C16orf90: variants seen among roughly 807,000 people sequenced by gnomAD.
C16orf90 encodes the protein chromosome 16 open reading frame 90.
C16orf90 carries 17 observed loss-of-function variants against 17.1 expected under a neutral mutation model. The observed-to-expected ratio is 1.00, with a 90% CI of 0.68 to 1.49. The LOEUF is 1.49. C16orf90 is among the 40% of genes most tolerant of loss of function. The pLI is 0.00. For missense variants in C16orf90, 255 were observed against 235.5 expected (o/e 1.08, Z -0.54); for synonymous variants, 108 against 95.8 (o/e 1.13, Z -0.75).
rs2037259750 is a variant in C16orf90 at position 3,493,649 on chromosome 16, GCCCCTCCCTCGGAACCTCCTCCTCCTC to G, written c.*163_*189del. 2.0e-6 allele frequency: 1 copy of G among 510,958 alleles called. No individual in the cohort carries two copies. Among genetic ancestry groups the G allele is most frequent in the Non-Finnish European group, 3.5e-6 (1 of 283,746 alleles). 31.7% of individuals were successfully genotyped at this position (510,958 alleles called of 1,614,324 possible). On this transcript the variant is annotated 3_prime_UTR_variant, in exon 3 of 3. Coordinates refer to ENST00000437192, the MANE Select transcript of C16orf90 (RefSeq NM_001080524.2). ...GCACGGCCATGCTTCTATTGCTTCT[GCCCCTCCCTCGGAACCTCCTCCTCCTC>G]CCTCTCCCCATCACATTCTCCCGAG...
chr16:3,495,292 C>A, intron 1 of C16orf90, 84 bp downstream of exon 1: 3 of 1,484,812 alleles, frequency 2.0e-6, no homozygotes, highest in Non-Finnish European at 2.8e-6. Context: ...GCATACATGT[C>A]CCTGAGGCCA....
chr16:3,495,526 T>C (rs2037297516), upstream of C16orf90: 1 of 1,535,442 alleles, frequency 6.5e-7, no homozygotes, highest in Non-Finnish European at 8.8e-7. Flanking sequence ...GGCAACTGGT[T>C]CTTATGACAT....
intron 2 of C16orf90, 99 bp from the exon 3 acceptor site, chr16:3,494,086 T>A: frequency 9.5e-7 from 1 of 1,054,762 alleles, no homozygotes; most frequent in Non-Finnish European, 1.4e-6. Context: ...TCCGATATTC[T>A]TGAAAACAGA....
In C16orf90 at chr16:3,493,918, T is replaced by C. The variant is rs1181015565; in HGVS notation, c.470A>G (p.Lys157Arg). The change falls in exon 3 of 3, where the codon AAG becomes AGG. Residue 157 changes from lysine (K) to arginine (R), a missense_variant. By Grantham distance (26) the Lys-to-Arg change is conservative (BLOSUM62 2). Coordinates refer to ENST00000437192, the MANE Select transcript of C16orf90 (RefSeq NM_001080524.2). ...PQPSPSRLRP[K>R]RSWGTWEEAM... The stretch of plus-strand genomic sequence containing the variant: ...CTCTTCCCAGGTCCCCCAGGACCTC[T>C]TGGGCCTGAGCCTAGAAGGACTAGG... The C allele has an allele frequency of 3.1e-6, 5 of 1,609,544 alleles. No individual in the cohort carries two copies. The highest frequency in any genetic ancestry group is 3.4e-6 in the Non-Finnish European group (4 of 1,178,070).
In C16orf90 at chr16:3,493,822, C is replaced by G. The variant is rs190822077; in HGVS notation, c.*17G>C. ...CCATCCTGCCCCTCCTGTACCCAGT[C>G]CTGGCACTCGGGATCCCTATGGCCT... is the stretch of plus-strand genomic sequence containing the variant. On this transcript the variant is annotated 3_prime_UTR_variant, in exon 3 of 3. Transcript: ENST00000437192. 6.7e-4 allele frequency: 1,058 copies of G among 1,588,876 alleles called. 9 individuals are homozygous for G. In the African/African-American group the frequency reaches 0.012, roughly 18 times the overall value.
rs561707818 is a variant in C16orf90, at chr16:3,494,736, C to T, written c.188G>A (p.Arg63Gln). The change falls in exon 2 of 3, where the codon CGG becomes CAG. Residue 63 changes from arginine (R) to glutamine (Q), a missense_variant. Transcript: ENST00000437192. ...KPKNFRLRHL[R>Q]GLGLYLESHP... ...GCTCTCCAGGTAGAGGCCCAGGCCC[C>T]GGAGGTGGCGCAGCCGGAAGTTCTT... is the stretch of plus-strand genomic sequence containing the variant. 36 of 1,604,962 alleles carry T rather than the reference C, an allele frequency of 2.2e-5. No homozygotes were observed. In the South Asian group the frequency reaches 3.0e-4, roughly 13 times the overall value.
rs2037285727 is a variant in C16orf90, at chr16:3,494,869, T to G, written c.55A>C (p.Ser19Arg). Residue 19 changes from serine (S) to arginine (R), a missense_variant, in exon 2 of 3, where the codon AGC becomes CGC. Ser to Arg is a moderately radical substitution (Grantham distance 110). Transcript: ENST00000437192. ...TGGCCGGGGCGTCCTTGGGCCTGGCTCACTGCATCTGCAGAGGAGACAGCG... is the reference window on the plus strand; with the variant it reads ...TGGCCGGGGCGTCCTTGGGCCTGGCGCACTGCATCTGCAGAGGAGACAGCG... The part of the protein sequence containing the change: ...SELHIREDAV[S>R]QAQGRPGHPD... 1.3e-6 allele frequency: 2 copies of G among 1,517,916 alleles called. No homozygotes were observed. The highest frequency in any genetic ancestry group is 1.8e-6 in the Non-Finnish European group (2 of 1,139,558). The allele number at this position is 1,517,916 out of a possible 1,614,324, so 94.0% of individuals were successfully genotyped here.
intron 2 of C16orf90, 106 bp downstream of exon 2, chr16:3,494,418 G>A (rs1596375544): frequency 7.9e-6 from 7 of 883,108 alleles, no homozygotes; most frequent in Non-Finnish European, 1.2e-5. Flanking sequence ...CTGGGGCATG[G>A]TGCCACTGTG....
upstream of C16orf90, chr16:3,495,620 T>C (rs958015211): frequency 3.4e-6 from 4 of 1,185,086 alleles, no homozygotes; most frequent in Non-Finnish European, 4.6e-6. Context: ...AAGAAAGGCA[T>C]GGGAAGGGGC....
At chr16:3,495,285 T>C (rs1339912231) in intron 1 of C16orf90, 91 bp downstream of exon 1, 2 of 1,444,120 alleles carry the variant, frequency 1.4e-6, no homozygotes, top group Non-Finnish European at 1.9e-6. Context: ...CTCCCAAGCA[T>C]ACATGTCCCT....
At chr16:3,496,566 T>C, upstream of C16orf90, 1 of 542,198 alleles carries the variant, frequency 1.8e-6, no homozygotes, top group African/African-American at 1.9e-5. Context: ...GCCAAGATCC[T>C]GACTTTCGAT....
At chr16:3,494,037 T>TG (rs760823317) in intron 2 of C16orf90, 50 bp from the exon 3 acceptor site, 66 of 1,544,098 alleles carry the variant, frequency 4.3e-5, no homozygotes, top group South Asian at 2.5e-4. Context: ...AAGGGGAGGC[T>TG]GGGGGGGAGG....
At chr16:3,494,300 C>G (rs1467064871) in intron 2 of C16orf90, among the ~76,000 whole-genome samples, 4 of 152,196 alleles carry the variant, frequency 2.6e-5, no homozygotes, top group Non-Finnish European at 5.9e-5. Flanking sequence ...CCCTCCCTCC[C>G]AGATCCTCCC....
At chr16:3,496,397 CG>C, upstream of C16orf90, 2 of 1,078,922 alleles carry the variant, frequency 1.9e-6, no homozygotes, top group South Asian at 2.4e-5. Context: ...GTCCGTTTCC[CG>C]GATGATCCGG....
In C16orf90 at chr16:3,494,820, T is replaced by A; in HGVS notation, c.104A>T (p.Tyr35Phe). 1.3e-6 allele frequency: 2 copies of A among 1,565,306 alleles called. No individual in the cohort carries two copies. The highest frequency in any genetic ancestry group is 1.7e-6 in the Non-Finnish European group (2 of 1,159,116). The change falls in exon 2 of 3, where the codon TAC becomes TTC. Residue 35 changes from tyrosine to phenylalanine, a missense_variant. Transcript: ENST00000437192. ...CTGCGGGGACCCCAGGCCCCCCTCG[T>A]AGATGTTGGGGGGTGCGTCAGGGTG... is the stretch of plus-strand genomic sequence containing the variant. ...PGHPDAPPNI[Y>F]EGGLGSPQPQ...
chr16:3,496,131 ACTC>A (rs1040814910), upstream of C16orf90: 20 of 384,564 alleles, frequency 5.2e-5, no homozygotes, highest in African/African-American at 4.1e-4. Context: ...GCAGAGCGAG[ACTC>A]CGTCTCAAAA....
Position 3,493,647 on chromosome 16 carries a change from C to G in C16orf90, c.*192G>C, listed in dbSNP as rs2037259674. ...GGGCACGGCCATGCTTCTATTGCTTCTGCCCCTCCCTCGGAACCTCCTCCT... is the reference window on the plus strand; with the variant it reads ...GGGCACGGCCATGCTTCTATTGCTTGTGCCCCTCCCTCGGAACCTCCTCCT... On this transcript the variant is annotated 3_prime_UTR_variant, in exon 3 of 3. Coordinates refer to ENST00000437192, the MANE Select transcript of C16orf90 (RefSeq NM_001080524.2). The G allele has an allele frequency of 2.0e-6, 1 of 508,858 alleles. No homozygotes were observed. Among genetic ancestry groups the G allele is most frequent in the Admixed American group, 3.1e-5 (1 of 32,148 alleles). 31.5% of individuals were successfully genotyped at this position (508,858 alleles called of 1,614,324 possible).
At chr16:3,496,410 A>G, upstream of C16orf90, 1 of 1,047,610 alleles carries the variant, frequency 9.5e-7, no homozygotes. Flanking sequence ...ATGATCCGGA[A>G]GATGAAGCTT....
chr16:3,495,234 C>T, intron 1 of C16orf90, 142 bp downstream of exon 1: 2 of 965,488 alleles, frequency 2.1e-6, no homozygotes, highest in Non-Finnish European at 3.2e-6. Context: ...AGAAAGTGGC[C>T]AGCCCAGGGG....
Sources: gnomAD v4.1 joint callset for allele counts (sites outside exome capture counted in the v4.1 genomes callset) on GRCh38, gnomAD v4.1.1 for gene constraint, MANE v1.5 for transcripts, NCBI Gene and HGNC (gene_info 2026-07-23, HGNC 2026-07-21) for gene names.